The following SRGAP3 variants were observed in gnomAD, a reference collection of about 807,000 sequenced individuals.
SRGAP3 encodes SLIT-ROBO Rho GTPase-activating protein 3.
SRGAP3 carries 39 observed loss-of-function variants against 121.1 expected under a neutral mutation model. That is an observed-to-expected ratio of 0.32 (90% CI 0.25 to 0.42). The LOEUF is 0.42. Among genes scored for constraint, SRGAP3 ranks in the 10% least tolerant of loss-of-function variants. SRGAP3 has a pLI of 1.00. For missense variants in SRGAP3, 1,213 were observed against 1,470.6 expected (o/e 0.82, Z 2.86); for synonymous variants, 601 against 570.0 (o/e 1.05, Z -0.77).
intron 18 of SRGAP3, among the ~76,000 whole-genome samples, chr3:9,004,448 C>T (rs916983436): frequency 1.3e-5 from 2 of 152,126 alleles, no homozygotes; most frequent in Admixed American, 1.3e-4. Context: ...TCACAAGAAA[C>T]CCAGAATAGC....
intron 10 of SRGAP3, among the ~76,000 whole-genome samples, chr3:9,039,349 G>A (rs1443946833): frequency 6.6e-6 from 1 of 152,134 alleles, no homozygotes; most frequent in East Asian, 1.9e-4. Context: ...ACCCAGGGCT[G>A]CTTTCCTTTT....
chr3:9,111,362 G>C (rs1375736283), intron 2 of SRGAP3, among the ~76,000 whole-genome samples: 3 of 152,258 alleles, frequency 2.0e-5, no homozygotes, highest in Non-Finnish European at 2.9e-5. Flanking sequence ...GGGCGCTAGT[G>C]AAAGGGGCTG....
chr3:9,269,425 G>T (rs867011188), intron 3 of SRGAP3, among the ~76,000 whole-genome samples: 13 of 152,140 alleles, frequency 8.5e-5, no homozygotes, highest in Admixed American at 7.9e-4. Context: ...TTTCCTTCAG[G>T]ATGTCTCCCC....
intron 3 of SRGAP3, among the ~76,000 whole-genome samples, chr3:9,269,177 C>T (rs780068772): frequency 6.6e-6 from 1 of 152,182 alleles, no homozygotes; most frequent in Non-Finnish European, 1.5e-5. Context: ...AGGCTATACT[C>T]TGGGGATGAT....
chr3:9,101,307 A>AC lies in SRGAP3; in HGVS notation c.423+3372dup, dbSNP rs535584065. On this transcript the variant is annotated intron_variant, in intron 3 of 21. Transcript: ENST00000383836. ...AAGGCACCCCTACTTTTCTTGGGGA[A>AC]CCACCCCTCACCCATTCTCAGTCCC... Among the ~76,000 whole-genome samples, 152 of 152,252 alleles carry AC rather than the reference A, an allele frequency of 1.0e-3. 1 individual carries two copies. Among genetic ancestry groups the AC allele is most frequent in the African/African-American group, 3.6e-3 (149 of 41,550 alleles).
intron 3 of SRGAP3, among the ~76,000 whole-genome samples, chr3:9,290,952 G>A (rs1954859090): frequency 6.6e-6 from 1 of 152,178 alleles, no homozygotes; most frequent in African/African-American, 2.4e-5. Flanking sequence ...GTGATGGTGT[G>A]TGTGTGTACG....
intron 3 of SRGAP3, among the ~76,000 whole-genome samples, chr3:9,308,879 C>T (rs1460617137): frequency 1.3e-5 from 2 of 152,172 alleles, no homozygotes; most frequent in East Asian, 1.9e-4. Context: ...ACCCTTGCCC[C>T]ACTCTTTCAA....
intron 1 of SRGAP3, among the ~76,000 whole-genome samples, chr3:9,221,527 G>A (rs2675177): frequency 0.27 from 40,585 of 151,958 alleles, 5,719 homozygotes; most frequent in East Asian, 0.52. Flanking sequence ...ACAGAGCAAG[G>A]CCCTATCTTT....
rs186754799 is a variant in SRGAP3, at chr3:9,016,532, C to T, written c.1679-801G>A. Among the ~76,000 whole-genome samples the T allele has an allele frequency of 3.3e-4, 50 of 152,330 alleles. 1 individual carries two copies. Among genetic ancestry groups the T allele is most frequent in the Admixed American group, 3.3e-3 (50 of 15,302 alleles). On this transcript the variant is annotated intron_variant, in intron 14 of 21. Coordinates refer to ENST00000383836, the MANE Select transcript of SRGAP3 (RefSeq NM_014850.4). ...AAGGCACGTACGTCAGGCTGTCCTG[C>T]TGCTGGTGATGCCAACCTTGATCAC...
intron 4 of SRGAP3, among the ~76,000 whole-genome samples, chr3:9,078,636 G>A (rs1312157139): frequency 3.3e-5 from 5 of 152,136 alleles, no homozygotes; most frequent in African/African-American, 1.2e-4. Context: ...CGTGCACTAA[G>A]CAGGTACTAG....
chr3:9,191,136 A>T (rs965392293), intron 1 of SRGAP3, among the ~76,000 whole-genome samples: 3 of 152,126 alleles, frequency 2.0e-5, no homozygotes, highest in Non-Finnish European at 2.9e-5. Flanking sequence ...CTGGGAGAGC[A>T]TAGGTGTGGA....
At chr3:9,170,793 GCCT>G (rs1334107846) in intron 1 of SRGAP3, among the ~76,000 whole-genome samples, 2 of 152,232 alleles carry the variant, frequency 1.3e-5, no homozygotes, top group East Asian at 3.8e-4. Flanking sequence ...CTGCCCTCAG[GCCT>G]CGGACGCCAC....
At chr3:9,356,433 C>A (rs1349438833) in intron 1 of SRGAP3, among the ~76,000 whole-genome samples, 3 of 127,924 alleles carry the variant, frequency 2.3e-5, no homozygotes, top group Non-Finnish European at 4.7e-5. Context: ...AGTGCAGTGG[C>A]GCAAACTGGG....
intron 3 of SRGAP3, among the ~76,000 whole-genome samples, chr3:9,285,965 T>G (rs147533915): frequency 4.4e-4 from 66 of 151,366 alleles, no homozygotes; most frequent in African/African-American, 1.6e-3. Context: ...GTTTAAAAAT[T>G]AGCTCAGCTT....
At chr3:9,000,857 A>G (rs1033921818) in intron 18 of SRGAP3, among the ~76,000 whole-genome samples, 3 of 152,208 alleles carry the variant, frequency 2.0e-5, no homozygotes, top group African/African-American at 7.2e-5. Flanking sequence ...ACAGCCGGAA[A>G]GGATCCGGGA....
chr3:9,085,145 G>A (rs1481438326), intron 3 of SRGAP3, among the ~76,000 whole-genome samples: 1 of 152,166 alleles, frequency 6.6e-6, no homozygotes. Context: ...TTTCTCTCTG[G>A]CAATGAATGC....
At chr3:9,290,882 G>C (rs1954858229) in intron 3 of SRGAP3, among the ~76,000 whole-genome samples, 1 of 152,180 alleles carries the variant, frequency 6.6e-6, no homozygotes, top group Non-Finnish European at 1.5e-5. Context: ...AACTCTCAGA[G>C]TATATATCTT....
rs149490292 is a variant in SRGAP3 at position 9,041,960 on chromosome 3, G to C, written c.1409-3870C>G. ...TACTAAAAACAGAAAAATCAGCTGGGCGTGGTGGCGGACACCTGTAATCCC... is the reference window on the plus strand; with the variant it reads ...TACTAAAAACAGAAAAATCAGCTGGCCGTGGTGGCGGACACCTGTAATCCC... On this transcript the variant is annotated intron_variant, in intron 10 of 21. Transcript: ENST00000383836. Among the ~76,000 whole-genome samples, 467 of 152,120 alleles carry C rather than the reference G, an allele frequency of 3.1e-3. 1 individual carries two copies. The highest frequency in any genetic ancestry group is 0.011 in the African/African-American group (440 of 41,494).
chr3:8,985,591 C>T lies in SRGAP3; in HGVS notation c.3228G>A (p.Val1076=), dbSNP rs1360333057. Residue 1076 remains valine, a synonymous_variant, in exon 22 of 22, where the codon GTG becomes GTA. Transcript: ENST00000383836. The surrounding 1 kb of genome is among the most constrained non-coding windows in gnomAD (Gnocchi z 5.1). ...CGGTGGGCGTCACGGCCGGGCTGCC[C>T]ACGCCCGAGCTGCTGCTGCTGCTGG... ...HRSSSSSSSG[V]GSPAVTPTEK... The T allele has an allele frequency of 1.3e-6, 2 of 1,597,456 alleles. No homozygotes were observed. Among genetic ancestry groups the T allele is most frequent in the South Asian group, 1.1e-5 (1 of 90,950 alleles).
Sources: allele counts gnomAD v4.1 joint callset (sites outside exome capture counted in the v4.1 genomes callset), GRCh38; gene constraint gnomAD v4.1.1; non-coding constraint Gnocchi (gnomAD v3.1); transcripts MANE v1.5; gene names NCBI Gene and HGNC (gene_info 2026-07-23, HGNC 2026-07-21).